Variants in CAPRIN1 observed in about 807,000 individuals in gnomAD.
CAPRIN1 encodes the protein caprin-1.
A neutral mutation model predicts 100.9 loss-of-function variants in CAPRIN1; 29 were observed. That is an observed-to-expected ratio of 0.29 (90% CI 0.21 to 0.39). CAPRIN1 has a LOEUF of 0.39. Ranked by LOEUF, CAPRIN1 falls within the 10% of genes least tolerant of loss-of-function variation. The pLI, the probability that CAPRIN1 is intolerant of heterozygous loss-of-function variation, is 1.00. For synonymous variants in CAPRIN1, 338 were observed against 307.5 expected (o/e 1.10, Z -1.04); for missense variants, 795 against 876.7 (o/e 0.91, Z 1.18).
chr11:34,069,621 C>A (rs1389382251), intron 2 of CAPRIN1, among the ~76,000 whole-genome samples: 1 of 151,994 alleles, frequency 6.6e-6, no homozygotes. Flanking sequence ...ACATCTTCTG[C>A]ACCTGGGGTC....
chr11:34,097,580 A>C, intron 17 of CAPRIN1, 118 bp from the exon 18 acceptor site: 1 of 1,078,064 alleles, frequency 9.3e-7, no homozygotes, highest in Non-Finnish European at 1.4e-6. Context: ...TGATAAACTG[A>C]TACTGAAGTG....
In CAPRIN1 at chr11:34,097,728, T is replaced by C. The variant is rs1851394200; in HGVS notation, c.2032T>C (p.Ser678Pro). Residue 678 changes from serine to proline, a missense_variant, in exon 18 of 19, where the codon TCT becomes CCT. Physicochemically the swap from Ser to Pro is moderately conservative, Grantham distance 74. Transcript: ENST00000341394. ...DGYQQNFKRG[S>P]GQSGPRGAPR... ...ATATCAGCAGAATTTCAAGCGAGGCTCTGGGCAGAGTGGACCACGGGGAGC... is the reference window on the plus strand; with the variant it reads ...ATATCAGCAGAATTTCAAGCGAGGCCCTGGGCAGAGTGGACCACGGGGAGC... 4 of 1,614,006 alleles carry C rather than the reference T, an allele frequency of 2.5e-6. No homozygotes were observed. Among genetic ancestry groups the C allele is most frequent in the Admixed American group, 1.7e-5 (1 of 60,004 alleles).
chr11:34,082,967 C>G lies in CAPRIN1; in HGVS notation c.892C>G (p.Gln298Glu). 1 of 1,613,814 alleles carries G rather than the reference C, an allele frequency of 6.2e-7. No individual in the cohort carries two copies. The highest frequency in any genetic ancestry group is 8.5e-7 in the Non-Finnish European group (1 of 1,179,726). Residue 298 changes from glutamine (Q) to glutamate (E), a missense_variant, in exon 9 of 19, where the codon CAG becomes GAG. Gln to Glu is a conservative substitution (Grantham distance 29, BLOSUM62 2). Around this residue, in one of 3 missense-constraint regions of CAPRIN1, gnomAD observed 648 missense variants for 697.9 expected, o/e 0.93. Transcript: ENST00000341394. ...EVESTEYVNR[Q>E]FMAETQFTSG... ...CTTTGCTTTGCAGTATGTAAATAGACAGTTCATGGCAGAAACACAGTTCAC... is the reference window on the plus strand; with the variant it reads ...CTTTGCTTTGCAGTATGTAAATAGAGAGTTCATGGCAGAAACACAGTTCAC...
At chr11:34,090,443 AATTTAC>A in intron 13 of CAPRIN1, 80 bp from the exon 14 acceptor site, 1 of 1,462,228 alleles carries the variant, frequency 6.8e-7, no homozygotes, top group Admixed American at 1.8e-5. Flanking sequence ...GTTTGAGATT[AATTTAC>A]CACTTTAGTA....
chr11:34,075,469 G>T (rs1002654628), intron 4 of CAPRIN1, among the ~76,000 whole-genome samples: 2 of 152,200 alleles, frequency 1.3e-5, no homozygotes, highest in African/African-American at 4.8e-5. Flanking sequence ...AGAAAAAAAG[G>T]AATGTGGGAA....
In CAPRIN1 at chr11:34,076,348, G is replaced by T; in HGVS notation, c.479G>T (p.Gly160Val). Residue 160 changes from glycine (G) to valine (V), a missense_variant, in exon 5 of 19, where the codon GGA becomes GTA. Gly to Val is a moderately radical substitution (Grantham distance 109). Around this residue, in one of 3 missense-constraint regions of CAPRIN1, gnomAD observed 648 missense variants for 697.9 expected, o/e 0.93. Transcript: ENST00000341394. ...LELQYVLDKL[G>V]DDEVRTDLKQ... Reference sequence around the variant, plus strand: ...CTACAGTATGTTTTGGACAAATTGGGAGATGATGAAGTGCGGACTGACCTG... The same window carrying T: ...CTACAGTATGTTTTGGACAAATTGGTAGATGATGAAGTGCGGACTGACCTG... 6.2e-7 allele frequency: 1 copy of T among 1,614,192 alleles called. No homozygotes were observed. Among genetic ancestry groups the T allele is most frequent in the Non-Finnish European group, 8.5e-7 (1 of 1,180,008 alleles).
chr11:34,100,666 C>T lies in CAPRIN1; in HGVS notation c.*1299C>T, dbSNP rs898633958. The T allele has an allele frequency of 2.6e-5, 4 of 152,474 alleles. No individual in the cohort carries two copies. The highest frequency in any genetic ancestry group is 6.5e-5 in the Admixed American group (1 of 15,280). 9.4% of individuals were successfully genotyped at this position (152,474 alleles called of 1,614,324 possible). On this transcript the variant is annotated 3_prime_UTR_variant, in exon 19 of 19. Coordinates refer to ENST00000341394, the MANE Select transcript of CAPRIN1 (RefSeq NM_005898.5). ...TTAACCTTAACTGAATTCTCCGTTT[C>T]TCCTGGAGGCATTTATATTCAGTGA...
Position 34,068,660 on chromosome 11 carries a change from G to A in CAPRIN1, c.217-3066G>A, listed in dbSNP as rs1023242589. ...TCAATTTTAGTATCTTTTCTGTTGCGTGGAATTCTTATTGTTTTCATTAAA... is the reference window on the plus strand; with the variant it reads ...TCAATTTTAGTATCTTTTCTGTTGCATGGAATTCTTATTGTTTTCATTAAA... On this transcript the variant is annotated intron_variant, in intron 2 of 18. Coordinates refer to ENST00000341394, the MANE Select transcript of CAPRIN1 (RefSeq NM_005898.5). 2.6e-5 allele frequency among the ~76,000 whole-genome samples: 4 copies of A among 152,096 alleles called. No individual in the cohort carries two copies. In the South Asian group the frequency reaches 6.2e-4, roughly 24 times the overall value.
chr11:34,052,261 A>T lies in CAPRIN1; in HGVS notation c.1-160A>T, dbSNP rs1190668494. On this transcript the variant is annotated intron_variant, in intron 1 of 18. Coordinates refer to ENST00000341394, the MANE Select transcript of CAPRIN1 (RefSeq NM_005898.5). ...TGGCGGGTCGCGCGCGCGCCCGCGCACTCTTCCTGCCCTCGAGGCGCGCCG... is the reference window on the plus strand; with the variant it reads ...TGGCGGGTCGCGCGCGCGCCCGCGCTCTCTTCCTGCCCTCGAGGCGCGCCG... 9.5e-6 allele frequency: 5 copies of T among 526,856 alleles called. No homozygotes were observed. In the Admixed American group the frequency reaches 1.8e-4, roughly 19 times the overall value. 32.6% of individuals were successfully genotyped at this position (526,856 alleles called of 1,614,324 possible). A position where few individuals can be genotyped will look rare whatever the true frequency, so the allele number is the denominator to read the frequency against.
chr11:34,066,611 C>T (rs1461948276), intron 2 of CAPRIN1, among the ~76,000 whole-genome samples: 2 of 149,018 alleles, frequency 1.3e-5, no homozygotes, highest in South Asian at 2.1e-4. Context: ...GAATTACAGG[C>T]GTGAGCCACT....
chr11:34,062,017 C>G (rs1217144323), intron 2 of CAPRIN1, among the ~76,000 whole-genome samples: 1 of 150,256 alleles, frequency 6.7e-6, no homozygotes, highest in Admixed American at 6.6e-5. Context: ...GTTTAATAGT[C>G]TTTGTTTTCT....
chr11:34,097,339 C>G (rs963955965), intron 17 of CAPRIN1, 43 bp downstream of exon 17: 2 of 1,395,704 alleles, frequency 1.4e-6, no homozygotes, highest in Non-Finnish European at 2.0e-6. Context: ...ACTAAATATA[C>G]CAATGAAAGT....
At chr11:34,099,263 A>G (rs1198156633) in intron 18 of CAPRIN1, 40 bp from the exon 19 acceptor site, 1 of 1,607,084 alleles carries the variant, frequency 6.2e-7, no homozygotes, top group Non-Finnish European at 8.5e-7. Flanking sequence ...AAAACAAATA[A>G]TATTTGAAAG....
At chr11:34,053,947 A>G (rs895547173) in intron 2 of CAPRIN1, among the ~76,000 whole-genome samples, 1 of 152,332 alleles carries the variant, frequency 6.6e-6, no homozygotes, top group East Asian at 1.9e-4. Flanking sequence ...CTAGGAAAAC[A>G]TATTTATAAC....
chr11:34,091,811 T>C (rs375271200), intron 14 of CAPRIN1, 95 bp from the exon 15 acceptor site: 4 of 1,131,186 alleles, frequency 3.5e-6, no homozygotes, highest in Middle Eastern at 2.1e-4. Flanking sequence ...GTGATGTCTT[T>C]ATTTATGTCT....
chr11:34,066,931 ATT>A (rs35440557), intron 2 of CAPRIN1, among the ~76,000 whole-genome samples: 2,817 of 130,860 alleles, frequency 0.022, 80 homozygotes, highest in African/African-American at 0.075. Context: ...CACACCCAGC[ATT>A]TTTTTTTTTT....
At chr11:34,079,501 TTTTATGTGTATA>T in intron 6 of CAPRIN1, 115 bp from the exon 7 acceptor site, 2 of 652,942 alleles carry the variant, frequency 3.1e-6, no homozygotes, top group Non-Finnish European at 2.6e-6. Context: ...AATGTAATCT[TTTTATGTGTATA>T]TGTGTTTTAG....
chr11:34,091,635 A>G (rs1158421463), intron 14 of CAPRIN1: 3 of 247,178 alleles, frequency 1.2e-5, no homozygotes, highest in African/African-American at 2.3e-5. Context: ...AGCATTTCCA[A>G]GGCTGCTGAT....
intron 2 of CAPRIN1, among the ~76,000 whole-genome samples, chr11:34,069,007 C>G (rs535886380): frequency 7.9e-5 from 12 of 152,084 alleles, no homozygotes; most frequent in African/African-American, 2.9e-4. Flanking sequence ...TTCTTTTGTT[C>G]AGTAATAATG....
Sources: allele counts gnomAD v4.1 joint callset (sites outside exome capture counted in the v4.1 genomes callset), GRCh38; gene constraint gnomAD v4.1.1; regional missense constraint gnomAD v4.1.1; transcripts MANE v1.5; gene names NCBI Gene and HGNC (gene_info 2026-07-23, HGNC 2026-07-21).